The following HS3ST4 variants were observed in gnomAD, a reference collection of about 807,000 sequenced individuals.
The protein encoded by HS3ST4 is heparan sulfate-glucosamine 3-sulfotransferase 4, also known as heparan sulfate glucosamine 3-O-sulfotransferase 4.
HS3ST4 carries 17 observed loss-of-function variants against 29.2 expected under a neutral mutation model. That is an observed-to-expected ratio of 0.58 (90% CI 0.40 to 0.87). The LOEUF is 0.87. HS3ST4 is among the 40% of genes least tolerant of loss of function. HS3ST4 has a pLI of 0.00. For missense variants in HS3ST4, 627 were observed against 634.5 expected, an observed-to-expected ratio of 0.99 and a Z score of 0.13; for synonymous variants, 314 against 285.7, an observed-to-expected ratio of 1.10 and a Z score of -1.00.
chr16:25,994,643 T>C (rs948258692), intron 1 of HS3ST4, among the ~76,000 whole-genome samples: 4 of 152,222 alleles, frequency 2.6e-5, no homozygotes, highest in Non-Finnish European at 5.9e-5. Flanking sequence ...TTATATGTTG[T>C]TAATAAAGGC....
chr16:25,982,035 CACAG>C (rs1315828682), intron 1 of HS3ST4, among the ~76,000 whole-genome samples: 25 of 104,464 alleles, frequency 2.4e-4, no homozygotes, highest in South Asian at 1.4e-3. Context: ...TACTGAGACA[CACAG>C]ACACACACAC....
chr16:25,926,703 G>A (rs1320546486), intron 1 of HS3ST4, among the ~76,000 whole-genome samples: 3 of 152,170 alleles, frequency 2.0e-5, no homozygotes, highest in Non-Finnish European at 4.4e-5. Flanking sequence ...GCGAAGAAAA[G>A]AACTTTTAGA....
At chr16:26,011,115 A>C (rs113827506) in intron 1 of HS3ST4, among the ~76,000 whole-genome samples, 3 of 152,340 alleles carry the variant, frequency 2.0e-5, no homozygotes, top group African/African-American at 7.2e-5. Context: ...CCCAGGACAC[A>C]GCTTGGCATG....
chr16:26,004,836 A>G (rs1278409820), intron 1 of HS3ST4, among the ~76,000 whole-genome samples: 1 of 152,104 alleles, frequency 6.6e-6, no homozygotes, highest in Non-Finnish European at 1.5e-5. Flanking sequence ...TTATGATTTC[A>G]TTTTTTCAGA....
At chr16:25,972,182 C>T (rs978756837) in intron 1 of HS3ST4, among the ~76,000 whole-genome samples, 9 of 152,154 alleles carry the variant, frequency 5.9e-5, no homozygotes, top group South Asian at 2.1e-4. Context: ...TGCTGTTTAA[C>T]GGGTGGCTGT....
chr16:26,043,070 T>C (rs1969649528), intron 1 of HS3ST4, among the ~76,000 whole-genome samples: 1 of 152,188 alleles, frequency 6.6e-6, no homozygotes, highest in South Asian at 2.1e-4. Flanking sequence ...CAAGCACTTT[T>C]ATGTTAAAAT....
chr16:25,867,797 A>G, intron 1 of HS3ST4, among the ~76,000 whole-genome samples: 1 of 152,164 alleles, frequency 6.6e-6, no homozygotes, highest in Non-Finnish European at 1.5e-5. Flanking sequence ...CTAGCTAAGA[A>G]TATTGGGAGT....
At chr16:25,837,696 A>G (rs1458400509) in intron 1 of HS3ST4, among the ~76,000 whole-genome samples, 1 of 152,014 alleles carries the variant, frequency 6.6e-6, no homozygotes, top group Admixed American at 6.6e-5. Context: ...TTTTAAATGC[A>G]CTGACAGGTC....
intron 1 of HS3ST4, among the ~76,000 whole-genome samples, chr16:25,741,364 G>GAAAAA (rs1567230900): frequency 7.2e-5 from 1 of 13,814 alleles, no homozygotes; most frequent in African/African-American, 2.2e-4. Context: ...TGAATTCAAG[G>GAAAAA]TAAAAAAAAA....
At position 25,901,323 on chromosome 16, in the gene HS3ST4, T is replaced by C. The variant is rs115551106; in HGVS notation, c.734+208172T>C. 9.9e-3 allele frequency among the ~76,000 whole-genome samples: 1,511 copies of C among 152,300 alleles called. 26 individuals are homozygous for C. Among genetic ancestry groups the C allele is most frequent in the African/African-American group, 0.034 (1,428 of 41,558 alleles). On this transcript the variant is annotated intron_variant, in intron 1 of 1. Transcript: ENST00000331351. ...AGTCTCATGAGGGCTGGCAGTGCAA[T>C]ATCCCACGTCCAGCTCCAGGGAGTA...
At chr16:25,808,906 C>T (rs1326742798) in intron 1 of HS3ST4, among the ~76,000 whole-genome samples, 1 of 151,968 alleles carries the variant, frequency 6.6e-6, no homozygotes, top group Non-Finnish European at 1.5e-5. Flanking sequence ...TTCTACATGC[C>T]CATTGTTAGT....
Position 25,748,877 on chromosome 16 carries a change from C to A in HS3ST4, c.734+55726C>A, listed in dbSNP as rs1309455101. ...TAGAATAAAAACAGGATTAAAGGGG[C>A]ATTTCTTAGATTCAGTACAGCATGA... On this transcript the variant is annotated intron_variant, in intron 1 of 1. Coordinates refer to ENST00000331351, the MANE Select transcript of HS3ST4 (RefSeq NM_006040.3). Among the ~76,000 whole-genome samples the A allele has an allele frequency of 3.9e-5, 6 of 152,136 alleles. No individual in the cohort carries two copies. In the East Asian group the frequency reaches 1.2e-3, roughly 29 times the overall value.
At chr16:25,817,689 C>T (rs74014111) in intron 1 of HS3ST4, among the ~76,000 whole-genome samples, 3,636 of 152,272 alleles carry the variant, frequency 0.024, 105 homozygotes, top group East Asian at 0.1. Context: ...ATTTTGCAAT[C>T]TGTTCTGTAT....
chr16:25,861,974 C>A (rs1450976265), intron 1 of HS3ST4, among the ~76,000 whole-genome samples: 2 of 152,028 alleles, frequency 1.3e-5, no homozygotes, highest in Non-Finnish European at 2.9e-5. Context: ...ACCATTTTGG[C>A]ACTAGGGATG....
In HS3ST4 at chr16:26,036,239, C is replaced by G. The variant is rs572150247; in HGVS notation, c.735-99373C>G. The stretch of plus-strand genomic sequence containing the variant: ...CACTGGCTGGTGAGGCCAAGGCACT[C>G]AATATACACACTGCAGCTGAAGCAT... On this transcript the variant is annotated intron_variant, in intron 1 of 1. Coordinates refer to ENST00000331351, the MANE Select transcript of HS3ST4 (RefSeq NM_006040.3). 2.8e-4 allele frequency among the ~76,000 whole-genome samples: 42 copies of G among 152,318 alleles called. 1 individual carries two copies. In the South Asian group the frequency reaches 5.6e-3, roughly 20 times the overall value.
At chr16:25,909,283 G>T (rs917438142) in intron 1 of HS3ST4, among the ~76,000 whole-genome samples, 2 of 152,126 alleles carry the variant, frequency 1.3e-5, no homozygotes, top group African/African-American at 4.8e-5. Flanking sequence ...CCACCTCCAG[G>T]ACTCGAGCGA....
intron 1 of HS3ST4, among the ~76,000 whole-genome samples, chr16:26,110,018 A>G (rs1041580600): frequency 1.3e-5 from 2 of 152,068 alleles, no homozygotes; most frequent in Non-Finnish European, 2.9e-5. Flanking sequence ...GAAACTTTGT[A>G]CCCATTGACC....
chr16:26,058,320 AAAAG>A (rs1320822289), intron 1 of HS3ST4, among the ~76,000 whole-genome samples: 1 of 152,216 alleles, frequency 6.6e-6, no homozygotes, highest in African/African-American at 2.4e-5. Context: ...CAAAAGAAGA[AAAAG>A]AAATCAGGTC....
intron 1 of HS3ST4, among the ~76,000 whole-genome samples, chr16:25,702,237 C>T (rs1966338979): frequency 6.6e-6 from 1 of 152,128 alleles, no homozygotes; most frequent in African/African-American, 2.4e-5. Context: ...ATTACCAATC[C>T]TCCTATGAAT....
Sources: gnomAD v4.1 joint callset for allele counts (sites outside exome capture counted in the v4.1 genomes callset) on GRCh38, gnomAD v4.1.1 for gene constraint, MANE v1.5 for transcripts, NCBI Gene and HGNC (gene_info 2026-07-23, HGNC 2026-07-21) for gene names.